BTBD9: variants seen among roughly 807,000 people sequenced by gnomAD.
The protein encoded by BTBD9 is BTB/POZ domain-containing protein 9.
BTBD9 carries 49 observed loss-of-function variants against 64.3 expected under a neutral mutation model. That is an observed-to-expected ratio of 0.76 (90% confidence interval 0.61 to 0.97). The LOEUF (loss-of-function observed/expected upper bound fraction) is 0.97, where lower values mean the gene tolerates loss of function less well. BTBD9 is among the 50% of genes least tolerant of loss of function. The probability of loss-of-function intolerance (pLI) is 0.00; values close to 1 mark genes in which losing one functional copy is unlikely to be tolerated. For missense variants in BTBD9, 598 were observed against 762.1 expected (o/e 0.78, Z 2.53); for synonymous variants, 260 against 274.7 (o/e 0.95, Z 0.53).
intron 6 of BTBD9, among the ~76,000 whole-genome samples, chr6:38,528,368 T>C (rs929041649): frequency 6.6e-6 from 1 of 152,136 alleles, no homozygotes; most frequent in Non-Finnish European, 1.5e-5. Context: ...ATTAAATGTC[T>C]ATGCAAGTCC....
chr6:38,414,056 T>A (rs1019750411), intron 6 of BTBD9, among the ~76,000 whole-genome samples: 14 of 152,176 alleles, frequency 9.2e-5, no homozygotes, highest in African/African-American at 3.1e-4. Context: ...TCATTTAACA[T>A]AGTCCAGAGT....
At chr6:38,359,296 G>T (rs1336223684) in intron 6 of BTBD9, among the ~76,000 whole-genome samples, 1 of 152,100 alleles carries the variant, frequency 6.6e-6, no homozygotes, top group Non-Finnish European at 1.5e-5. Flanking sequence ...ATTCTACACA[G>T]CACCTTCCTT....
intron 9 of BTBD9, among the ~76,000 whole-genome samples, chr6:38,255,533 T>C (rs1172577009): frequency 6.6e-6 from 1 of 152,228 alleles, no homozygotes; most frequent in Non-Finnish European, 1.5e-5. Context: ...TCTTTTCATG[T>C]ACCATGATGC....
intron 1 of BTBD9, among the ~76,000 whole-genome samples, chr6:38,623,312 A>G (rs1180199206): frequency 6.6e-6 from 1 of 152,210 alleles, no homozygotes; most frequent in Non-Finnish European, 1.5e-5. Flanking sequence ...CTGTCAGCAC[A>G]GGGCCATACA....
intron 6 of BTBD9, among the ~76,000 whole-genome samples, chr6:38,511,626 G>C (rs1772780100): frequency 6.6e-6 from 1 of 151,744 alleles, no homozygotes; most frequent in Admixed American, 6.6e-5. Context: ...ACAGGCATGA[G>C]CCACCGCTCC....
chr6:38,329,996 T>C (rs969596452), intron 7 of BTBD9, among the ~76,000 whole-genome samples: 1 of 151,930 alleles, frequency 6.6e-6, no homozygotes. Context: ...TGGTAAGAAA[T>C]AGGCAGTCTC....
At chr6:38,612,909 AG>A (rs1327655988) in intron 1 of BTBD9, 1 of 152,186 alleles carries the variant, frequency 6.6e-6, no homozygotes, top group African/African-American at 2.4e-5. Flanking sequence ...ATGAGGCTGT[AG>A]AATGCAGTGT....
chr6:38,559,282 C>G (rs1775164291), intron 6 of BTBD9, among the ~76,000 whole-genome samples: 1 of 151,718 alleles, frequency 6.6e-6, no homozygotes, highest in Non-Finnish European at 1.5e-5. Flanking sequence ...TAATAACATT[C>G]AAGTTGAGAG....
At chr6:38,498,701 T>C (rs1024305220) in intron 6 of BTBD9, among the ~76,000 whole-genome samples, 1 of 152,148 alleles carries the variant, frequency 6.6e-6, no homozygotes, top group South Asian at 2.1e-4. Context: ...TATTTGATTC[T>C]AAAACCCAAG....
At chr6:38,478,067 A>C (rs1173297970) in intron 6 of BTBD9, among the ~76,000 whole-genome samples, 1 of 152,202 alleles carries the variant, frequency 6.6e-6, no homozygotes, top group Non-Finnish European at 1.5e-5. Context: ...TAAGACAAAA[A>C]GCATGTGTGA....
intron 1 of BTBD9, among the ~76,000 whole-genome samples, chr6:38,617,725 T>C (rs563164738): frequency 2.6e-5 from 4 of 152,336 alleles, no homozygotes; most frequent in East Asian, 3.9e-4. Flanking sequence ...AAGACGTCAC[T>C]GTTCCAATGC....
chr6:38,628,508 G>C (rs1401404841), intron 1 of BTBD9, among the ~76,000 whole-genome samples: 1 of 152,146 alleles, frequency 6.6e-6, no homozygotes, highest in Non-Finnish European at 1.5e-5. Context: ...AGGGAGTCAG[G>C]TTCTTACTGT....
chr6:38,550,736 C>G (rs1774760863), intron 6 of BTBD9, among the ~76,000 whole-genome samples: 1 of 152,184 alleles, frequency 6.6e-6, no homozygotes, highest in African/African-American at 2.4e-5. Context: ...CAAGCCACCA[C>G]TATCTTTTGT....
At chr6:38,339,532 A>G (rs1764023986) in intron 7 of BTBD9, among the ~76,000 whole-genome samples, 1 of 152,178 alleles carries the variant, frequency 6.6e-6, no homozygotes, top group Admixed American at 6.5e-5. Context: ...TATAATATGT[A>G]TGGTATATAG....
chr6:38,412,147 AAAAAC>A (rs1335674880), intron 6 of BTBD9, among the ~76,000 whole-genome samples: 1 of 152,070 alleles, frequency 6.6e-6, no homozygotes, highest in Non-Finnish European at 1.5e-5. Flanking sequence ...TCTACATACT[AAAAAC>A]AAAAAAAAGC....
intron 6 of BTBD9, among the ~76,000 whole-genome samples, chr6:38,499,812 A>T (rs759140112): frequency 3.3e-5 from 5 of 152,198 alleles, no homozygotes; most frequent in Non-Finnish European, 5.9e-5. Context: ...TAGGACTGTG[A>T]GTAAATACGA....
At chr6:38,475,610 C>T (rs1159561078) in intron 6 of BTBD9, among the ~76,000 whole-genome samples, 1 of 152,196 alleles carries the variant, frequency 6.6e-6, no homozygotes, top group Non-Finnish European at 1.5e-5. Flanking sequence ...CACAGCACCA[C>T]GCACAGCATC....
chr6:38,307,542 T>C (rs1285674464), intron 7 of BTBD9, among the ~76,000 whole-genome samples: 2 of 152,250 alleles, frequency 1.3e-5, no homozygotes, highest in Admixed American at 1.3e-4. Context: ...TCCATACCTG[T>C]GGGTGAAGCC....
intron 10 of BTBD9, among the ~76,000 whole-genome samples, chr6:38,183,695 T>C (rs1761683658): frequency 6.6e-6 from 1 of 152,242 alleles, no homozygotes; most frequent in South Asian, 2.1e-4. Flanking sequence ...CCCCAGCCTA[T>C]ATTTTTGTGC....
Sources: gnomAD v4.1 joint callset for allele counts (sites outside exome capture counted in the v4.1 genomes callset) on GRCh38, gnomAD v4.1.1 for gene constraint, MANE v1.5 for transcripts, NCBI Gene and HGNC (gene_info 2026-07-23, HGNC 2026-07-21) for gene names.